The following RAD51D variants were observed in gnomAD, a reference collection of about 807,000 sequenced individuals.
RAD51D encodes DNA repair protein RAD51 homolog 4.
Under a neutral mutation model 44.1 loss-of-function variants are expected in RAD51D, and 38 were observed. That is an observed-to-expected ratio of 0.86 (90% CI 0.67 to 1.13). RAD51D has a LOEUF of 1.13. Ranked by LOEUF, RAD51D falls within the 50% of genes most tolerant of loss-of-function variation. RAD51D has a pLI of 0.00. For missense variants in RAD51D, 390 were observed against 414.0 expected (o/e 0.94, Z 0.50); for synonymous variants, 141 against 166.6 (o/e 0.85, Z 1.18).
chr17:35,116,750 T>A, intron 3 of RAD51D: 1 of 822,524 alleles, frequency 1.2e-6, no homozygotes. Flanking sequence ...CACCTCAGCC[T>A]CCCAAAGTGC....
rs1192484662 is a variant in RAD51D at position 35,094,992 on chromosome 17, C to T, written c.*5961G>A. On this transcript the variant is annotated 3_prime_UTR_variant, in exon 10 of 10. Coordinates refer to ENST00000345365, the MANE Select transcript of RAD51D (RefSeq NM_002878.4). ...AACTCCCATTTTTCTTTCAGTGGCT[C>T]CAGCATGTGCTTCAGGAAAGCCTGT... 6.6e-6 allele frequency: 1 copy of T among 152,224 alleles called. No individual in the cohort carries two copies. The highest frequency in any genetic ancestry group is 1.5e-5 in the Non-Finnish European group (1 of 68,054). The allele number at this position is 152,224 out of a possible 1,614,324, so 9.4% of individuals were successfully genotyped here.
chr17:35,108,898 G>A lies in RAD51D; in HGVS notation c.264-1451C>T, dbSNP rs548676020. Among the ~76,000 whole-genome samples the A allele has an allele frequency of 5.1e-4, 71 of 138,840 alleles. No homozygotes were observed. In the South Asian group the frequency reaches 0.013, roughly 26 times the overall value. The allele number at this position is 138,840 out of a possible 152,430, so 91.1% of individuals were successfully genotyped here. A position where few individuals can be genotyped will look rare whatever the true frequency, so the allele number is the denominator to read the frequency against. On this transcript the variant is annotated intron_variant, in intron 3 of 9. Transcript: ENST00000345365. ...TTTTTTTTTTTTGAGACGGAGTCTC[G>A]CTCTGTCGCCCAGGCTGGAGTGCAG...
In RAD51D at chr17:35,116,943, T is replaced by C. The variant is rs747222668; in HGVS notation, c.263+1558A>G. On this transcript the variant is annotated intron_variant, in intron 3 of 9. Transcript: ENST00000345365. ...TCCTCCATGCCCAAGTCCTGCCTTCTTCAGAGCATTCCTGACCCCACTCCA... is the reference window on the plus strand; with the variant it reads ...TCCTCCATGCCCAAGTCCTGCCTTCCTCAGAGCATTCCTGACCCCACTCCA... 4 of 1,613,424 alleles carry C rather than the reference T, an allele frequency of 2.5e-6. No individual in the cohort carries two copies. In the African/African-American group the frequency reaches 4.0e-5, roughly 16 times the overall value.
At chr17:35,113,469 A>G (rs1424280651) in intron 3 of RAD51D, 1 of 295,800 alleles carries the variant, frequency 3.4e-6, no homozygotes, top group South Asian at 2.5e-5. Context: ...GGGTTTCGCC[A>G]TGTTGGCCAG....
At chr17:35,115,401 G>A (rs2091724825) in intron 3 of RAD51D, 1 of 449,352 alleles carries the variant, frequency 2.2e-6, no homozygotes, top group Non-Finnish European at 4.5e-6. Flanking sequence ...TACGTTACAT[G>A]CTATAACACC....
intron 1 of RAD51D, 93 bp from the exon 2 acceptor site, chr17:35,119,265 A>AC (rs780165695): frequency 5.4e-5 from 67 of 1,232,768 alleles, no homozygotes; most frequent in Admixed American, 2.3e-4. Context: ...TGTCAATTCT[A>AC]CCCCCCGGCA....
rs922044239 is a variant in RAD51D at position 35,100,446 on chromosome 17, A to G, written c.*507T>C. The G allele has an allele frequency of 1.9e-6, 1 of 534,962 alleles. No homozygotes were observed. Among genetic ancestry groups the G allele is most frequent in the Non-Finnish European group, 3.6e-6 (1 of 276,768 alleles). 33.1% of individuals were successfully genotyped at this position (534,962 alleles called of 1,614,324 possible). A position where few individuals can be genotyped will look rare whatever the true frequency, so the allele number is the denominator to read the frequency against. On this transcript the variant is annotated 3_prime_UTR_variant, in exon 10 of 10. Coordinates refer to ENST00000345365, the MANE Select transcript of RAD51D (RefSeq NM_002878.4). ...AGATGAAGAAGAGTATTTCATTTAT[A>G]AGCTTATTTCCACCCAGTAACTCAG...
Position 35,098,063 on chromosome 17 carries a change from T to C in RAD51D, c.*2890A>G, listed in dbSNP as rs1301204346. 1 of 152,244 alleles carries C rather than the reference T, an allele frequency of 6.6e-6. No individual in the cohort carries two copies. The highest frequency in any genetic ancestry group is 2.4e-5 in the African/African-American group (1 of 41,408). 9.4% of individuals were successfully genotyped at this position (152,244 alleles called of 1,614,324 possible). On this transcript the variant is annotated 3_prime_UTR_variant, in exon 10 of 10. Transcript: ENST00000345365. Reference sequence around the variant, plus strand: ...TCTAGGAGGAGCCAAAGGATGAAGCTGGCTGTGAGGGGCACAGCCTGCAGG... The same window carrying C: ...TCTAGGAGGAGCCAAAGGATGAAGCCGGCTGTGAGGGGCACAGCCTGCAGG...
intron 3 of RAD51D, among the ~76,000 whole-genome samples, chr17:35,115,458 T>C (rs2091725223): frequency 6.6e-6 from 1 of 152,186 alleles, no homozygotes; most frequent in Non-Finnish European, 1.5e-5. Flanking sequence ...TGAGGCGGCC[T>C]ACAACAGAGA....
intron 6 of RAD51D, among the ~76,000 whole-genome samples, chr17:35,104,584 C>T (rs1412680153): frequency 1.3e-5 from 2 of 152,166 alleles, no homozygotes; most frequent in African/African-American, 2.4e-5. Flanking sequence ...GGGGTTTTAC[C>T]GTGTTGGCCA....
rs1064793407 is a variant in RAD51D at position 35,118,626 on chromosome 17, A to G, written c.145-7T>C. ...GCCTCAGGGCAACCAGGGCCTGCCA[A>G]AGGGCCCCAGACTGCTCAGCAACAA... On this transcript the variant is annotated splice_polypyrimidine_tract_variant and splice_region_variant and intron_variant, in intron 2 of 9. Coordinates refer to ENST00000345365, the MANE Select transcript of RAD51D (RefSeq NM_002878.4). 2 of 1,612,416 alleles carry G rather than the reference A, an allele frequency of 1.2e-6. No homozygotes were observed. The highest frequency in any genetic ancestry group is 3.3e-5 in the Admixed American group (2 of 60,008).
intron 3 of RAD51D, among the ~76,000 whole-genome samples, chr17:35,107,815 C>T (rs1016344347): frequency 7.9e-6 from 1 of 127,298 alleles, no homozygotes; most frequent in African/African-American, 3.1e-5. Context: ...AGTGCAGTGG[C>T]GTGATCTCTA....
chr17:35,104,245 C>T (rs2091573132), intron 6 of RAD51D, among the ~76,000 whole-genome samples: 1 of 152,036 alleles, frequency 6.6e-6, no homozygotes, highest in African/African-American at 2.4e-5. Context: ...TTTCTGACTC[C>T]CTCCTTTCTT....
At position 35,103,907 on chromosome 17, in the gene RAD51D, G is replaced by A. The variant is rs1336593448; in HGVS notation, c.577-363C>T. Among the ~76,000 whole-genome samples, 3 of 152,188 alleles carry A rather than the reference G, an allele frequency of 2.0e-5. No individual in the cohort carries two copies. In the East Asian group the frequency reaches 5.8e-4, roughly 30 times the overall value. On this transcript the variant is annotated intron_variant, in intron 6 of 9. Transcript: ENST00000345365. This position sits in a 1 kb window ranked among gnomAD's most constrained non-coding sequence, Gnocchi z 4.1. The stretch of plus-strand genomic sequence containing the variant: ...AGCCTGGCCAACATGGTGAAACCCC[G>A]TCTCCACTAAACATACAAAAATTAG...
At chr17:35,113,145 G>A (rs915039545) in intron 3 of RAD51D, among the ~76,000 whole-genome samples, 12 of 152,184 alleles carry the variant, frequency 7.9e-5, no homozygotes, top group Admixed American at 7.9e-4. Context: ...ACCAATGCCT[G>A]ATCACATGCG....
intron 3 of RAD51D, among the ~76,000 whole-genome samples, chr17:35,114,255 G>C (rs898310533): frequency 6.6e-6 from 1 of 152,034 alleles, no homozygotes; most frequent in Non-Finnish European, 1.5e-5. Flanking sequence ...CTGGGCGACA[G>C]AGCAAGATTC....
chr17:35,111,095 C>CCATCTCAAAA (rs2091669678), intron 3 of RAD51D, among the ~76,000 whole-genome samples: 1 of 149,688 alleles, frequency 6.7e-6, no homozygotes, highest in Non-Finnish European at 1.5e-5. Context: ...GAGAGAAACT[C>CCATCTCAAAA]AGGCCAGGCG....
In RAD51D at chr17:35,105,991, C is replaced by T. The variant is rs75259287; in HGVS notation, c.576+395G>A. 6.6e-4 allele frequency: 274 copies of T among 413,172 alleles called. 2 individuals are homozygous for T. The highest frequency in any genetic ancestry group is 5.2e-3 in the African/African-American group (255 of 49,166). The allele number at this position is 413,172 out of a possible 1,614,324, so 25.6% of individuals were successfully genotyped here. ...ACCATGAGGGGAAGAACAAGAAAAT[C>T]AGACACACAAATCTATTGCCCTGAT... is the stretch of plus-strand genomic sequence containing the variant. On this transcript the variant is annotated intron_variant, in intron 6 of 9. Transcript: ENST00000345365.
chr17:35,106,925 G>A (rs574821346), intron 5 of RAD51D, 63 bp downstream of exon 5: 1 of 1,612,224 alleles, frequency 6.2e-7, no homozygotes, highest in East Asian at 2.2e-5. Flanking sequence ...TTCTTACAAT[G>A]TTAAGGGATA....
Sources: gnomAD v4.1 joint callset for allele counts (sites outside exome capture counted in the v4.1 genomes callset) on GRCh38, gnomAD v4.1.1 for gene constraint, Gnocchi (gnomAD v3.1) non-coding constraint, MANE v1.5 for transcripts, NCBI Gene and HGNC (gene_info 2026-07-23, HGNC 2026-07-21) for gene names.